The following PIAS2 variants were observed in gnomAD, a reference collection of about 807,000 sequenced individuals.
The protein encoded by PIAS2 is protein inhibitor of activated STAT 2.
Under a neutral mutation model 69.7 loss-of-function variants are expected in PIAS2, and 19 were observed. The observed-to-expected ratio is 0.27, with a 90% CI of 0.19 to 0.40. The LOEUF (loss-of-function observed/expected upper bound fraction) is 0.40, where lower values mean the gene tolerates loss of function less well. Among genes scored for constraint, PIAS2 ranks in the 10% least tolerant of loss-of-function variants. The pLI is 1.00. For synonymous variants in PIAS2, 261 were observed against 263.2 expected (o/e 0.99, Z 0.08); for missense variants, 624 against 757.0 (o/e 0.82, Z 2.06).
chr18:46,897,187 A>T (rs1224676563), intron 1 of PIAS2, among the ~76,000 whole-genome samples: 2 of 152,232 alleles, frequency 1.3e-5, no homozygotes, highest in Admixed American at 6.5e-5. Flanking sequence ...CATTAAACAA[A>T]AACTGTTAGT....
intron 1 of PIAS2, among the ~76,000 whole-genome samples, chr18:46,901,719 C>T (rs1163012424): frequency 6.6e-6 from 1 of 152,170 alleles, no homozygotes; most frequent in Admixed American, 6.5e-5. Flanking sequence ...TTCACAAATT[C>T]AACACCTGTT....
At chr18:46,893,350 T>C in intron 1 of PIAS2, 1 of 389,786 alleles carries the variant, frequency 2.6e-6, no homozygotes, top group Non-Finnish European at 3.5e-6. Flanking sequence ...GCTTCACTCC[T>C]TATACTTATT....
In PIAS2 at chr18:46,807,377, A is replaced by ATT. The variant is rs2040749018; in HGVS notation, c.*5055_*5056insAA. 17 of 25,040 alleles carry ATT rather than the reference A, an allele frequency of 6.8e-4. No individual in the cohort carries two copies. Among genetic ancestry groups the ATT allele is most frequent in the African/African-American group, 4.8e-3 (15 of 3,138 alleles). 1.6% of individuals were successfully genotyped at this position (25,040 alleles called of 1,614,324 possible). ...ATTTTATATATATATATATATATAT[A>ATT]TATATATTTTTTTTTTTTTTTTTTT... On this transcript the variant is annotated 3_prime_UTR_variant, in exon 14 of 14. Transcript: ENST00000585916.
chr18:46,857,414 T>G (rs1029431169), intron 3 of PIAS2, among the ~76,000 whole-genome samples: 2 of 152,224 alleles, frequency 1.3e-5, no homozygotes, highest in Admixed American at 1.3e-4. Flanking sequence ...AATTTTTGTC[T>G]TGAAAGTTCA....
At chr18:46,820,770 A>C (rs1482240591) in intron 12 of PIAS2, among the ~76,000 whole-genome samples, 163 bp downstream of exon 12, 1 of 152,194 alleles carries the variant, frequency 6.6e-6, no homozygotes, top group Non-Finnish European at 1.5e-5. Flanking sequence ...TTAAAATAAC[A>C]ACTGGATGTG....
intron 9 of PIAS2, among the ~76,000 whole-genome samples, chr18:46,831,205 T>C (rs958419431): frequency 6.6e-6 from 1 of 152,212 alleles, no homozygotes; most frequent in Non-Finnish European, 1.5e-5. Context: ...GAATAACATA[T>C]GTTGATATGA....
chr18:46,846,840 C>T lies in PIAS2; in HGVS notation c.728G>A (p.Gly243Asp). ...CCCATTTTTAGGCGGTGGTGCATAG[C>T]CCTATAACCGTAAGAAAGAAAAATT... ...KVNGKLFPLP[G>D]YAPPPKNGIE... Residue 243 changes from glycine (G) to aspartate (D), a missense_variant and splice_region_variant, in exon 6 of 14, where the codon GGC becomes GAC. Gly to Asp is a moderately conservative substitution (Grantham distance 94). Around this residue, in one of 3 missense-constraint regions of PIAS2, gnomAD observed 339 missense variants for 408.8 expected, o/e 0.83. Coordinates refer to ENST00000585916, the MANE Select transcript of PIAS2 (RefSeq NM_004671.5). 1 of 1,563,766 alleles carries T rather than the reference C, an allele frequency of 6.4e-7. No individual in the cohort carries two copies. The highest frequency in any genetic ancestry group is 8.6e-7 in the Non-Finnish European group (1 of 1,158,598).
intron 12 of PIAS2, chr18:46,818,045 C>T (rs1344757905): frequency 4.0e-6 from 4 of 992,056 alleles, no homozygotes; most frequent in African/African-American, 1.7e-5. Context: ...TTACTTTTAA[C>T]TAAAAAGCAG....
At chr18:46,907,076 C>T (rs558364337) in intron 1 of PIAS2, among the ~76,000 whole-genome samples, 2 of 152,178 alleles carry the variant, frequency 1.3e-5, no homozygotes, top group South Asian at 2.1e-4. Flanking sequence ...ATGCCTTCCC[C>T]GGAGATATCT....
At chr18:46,848,595 C>G (rs936069242) in intron 5 of PIAS2, among the ~76,000 whole-genome samples, 2 of 152,146 alleles carry the variant, frequency 1.3e-5, no homozygotes, top group African/African-American at 4.8e-5. Context: ...CCTTCACTGT[C>G]TCATAAGAGG....
rs138049425 is a variant in PIAS2 at position 46,874,146 on chromosome 18, AT to A, written c.500-9899del. Among the ~76,000 whole-genome samples the A allele has an allele frequency of 1.8e-3, 278 of 152,316 alleles. 6 individuals are homozygous for A. The East Asian group carries it at 0.033, about 18-fold the overall frequency. On this transcript the variant is annotated intron_variant, in intron 2 of 13. Coordinates refer to ENST00000585916, the MANE Select transcript of PIAS2 (RefSeq NM_004671.5). ...AACAAGTTACAGATAATTGTTTAAT[AT>A]GCAAAAAAACTAATAAGCGAATCCT...
chr18:46,829,074 G>A (rs1340158178), intron 10 of PIAS2, among the ~76,000 whole-genome samples: 3 of 152,172 alleles, frequency 2.0e-5, no homozygotes, highest in Non-Finnish European at 4.4e-5. Flanking sequence ...AATGCAGTGA[G>A]TAGACTGTTA....
chr18:46,917,027 A>G, intron 1 of PIAS2: 1 of 987,318 alleles, frequency 1.0e-6, no homozygotes, highest in Middle Eastern at 5.2e-4. Flanking sequence ...TCGGGTCCCC[A>G]TGTGCCCCTC....
chr18:46,918,395 C>G (rs1342817141), upstream of PIAS2, among the ~76,000 whole-genome samples: 1 of 152,166 alleles, frequency 6.6e-6, no homozygotes, highest in African/African-American at 2.4e-5. Context: ...TCCCACTACC[C>G]CTCGTTTCAT....
At chr18:46,881,858 G>T (rs1338550856) in intron 2 of PIAS2, among the ~76,000 whole-genome samples, 1 of 152,226 alleles carries the variant, frequency 6.6e-6, no homozygotes, top group East Asian at 1.9e-4. Context: ...CAGCACTTTG[G>T]GAGGCCAAGG....
chr18:46,850,512 T>G (rs773906261), intron 5 of PIAS2, among the ~76,000 whole-genome samples: 4 of 152,210 alleles, frequency 2.6e-5, no homozygotes, highest in Non-Finnish European at 4.4e-5. Context: ...ACCTCCCATA[T>G]ATTTTTAAAG....
intron 1 of PIAS2, chr18:46,907,689 A>G (rs2056786227): frequency 6.6e-6 from 1 of 152,140 alleles, no homozygotes; most frequent in South Asian, 2.1e-4. Flanking sequence ...ACTTATACGC[A>G]TATTTTTTTT....
rs1284120702 is a variant in PIAS2 at position 46,820,958 on chromosome 18, T to C, written c.1623A>G (p.Ile541Met). Residue 541 changes from isoleucine (I) to methionine (M), a missense_variant, in exon 12 of 14, where the codon ATA becomes ATG. Physicochemically the swap from Ile to Met is conservative, Grantham distance 10. Coordinates refer to ENST00000585916, the MANE Select transcript of PIAS2 (RefSeq NM_004671.5). Reference protein sequence around the residue: ...DYSVPFHHTPISSMSSDLPGL... With the variant: ...DYSVPFHHTPMSSMSSDLPGL... ...CTGGCAAATCTGATGACATGCTTGA[T>C]ATTGGCGTATGGTGGAATGGTACTG... 1.9e-6 allele frequency: 3 copies of C among 1,612,508 alleles called. No homozygotes were observed. Among genetic ancestry groups the C allele is most frequent in the Non-Finnish European group, 2.5e-6 (3 of 1,179,124 alleles).
chr18:46,914,832 T>C (rs753699329), intron 1 of PIAS2, among the ~76,000 whole-genome samples: 6 of 152,282 alleles, frequency 3.9e-5, no homozygotes, highest in East Asian at 1.9e-4. Flanking sequence ...AACAAACTAA[T>C]GCCCAAAATT....
Sources: allele counts gnomAD v4.1 joint callset (sites outside exome capture counted in the v4.1 genomes callset), GRCh38; gene constraint gnomAD v4.1.1; regional missense constraint gnomAD v4.1.1; transcripts MANE v1.5; gene names NCBI Gene and HGNC (gene_info 2026-07-23, HGNC 2026-07-21).